Variants in SLC6A2 observed in about 807,000 individuals in gnomAD.
The protein encoded by SLC6A2 is sodium-dependent noradrenaline transporter.
A neutral mutation model predicts 71.7 loss-of-function variants in SLC6A2; 26 were observed. That is an observed-to-expected ratio of 0.36 (90% confidence interval 0.27 to 0.50). The LOEUF is 0.50. Among genes scored for constraint, SLC6A2 ranks in the 20% least tolerant of loss-of-function variants. The pLI is 0.96. For missense variants in SLC6A2, 581 were observed against 803.9 expected (o/e 0.72, Z 3.35); for synonymous variants, 363 against 337.9 (o/e 1.07, Z -0.82).
chr16:55,656,762 A>C lies in SLC6A2; in HGVS notation c.68A>C (p.Gln23Pro). The change falls in exon 2 of 15, where the codon CAG (glutamine) becomes CCG (proline). Residue 23 changes from glutamine to proline, a missense_variant. Gln to Pro is a moderately conservative substitution (Grantham distance 76). Coordinates refer to ENST00000568943, the MANE Select transcript of SLC6A2 (RefSeq NM_001172501.3). The surrounding 1 kb of genome is among the most constrained non-coding windows in gnomAD (Gnocchi z 4.5). ...ENNGADTGPE[Q>P]PLRARKTAEL... ...AACGGGGCGGACACGGGTCCAGAGC[A>C]GCCCCTTCGGGCGCGCAAAACTGCG... 2 of 1,613,228 alleles carry C rather than the reference A, an allele frequency of 1.2e-6. No individual in the cohort carries two copies. Among genetic ancestry groups the C allele is most frequent in the Non-Finnish European group, 8.5e-7 (1 of 1,179,848 alleles).
intron 10 of SLC6A2, 21 bp downstream of exon 10, chr16:55,698,046 G>A: frequency 6.2e-7 from 1 of 1,613,384 alleles, no homozygotes; most frequent in Non-Finnish European, 8.5e-7. Context: ...GCTGGGCTCT[G>A]GGTCACCTGG....
Position 55,699,813 on chromosome 16 carries a change from G to A in SLC6A2, c.1590+159G>A, listed in dbSNP as rs531216863. Among the ~76,000 whole-genome samples the A allele has an allele frequency of 7.2e-5, 11 of 152,204 alleles. No individual in the cohort carries two copies. In the South Asian group the frequency reaches 1.0e-3, roughly 14 times the overall value. On this transcript the variant is annotated intron_variant, in intron 12 of 14. Coordinates refer to ENST00000568943, the MANE Select transcript of SLC6A2 (RefSeq NM_001172501.3). Reference sequence around the variant, plus strand: ...TGGGATGCTTGGCCCTGTGGATAACGTGGTAGACATCCACCTTACTAGGGG... The same window carrying A: ...TGGGATGCTTGGCCCTGTGGATAACATGGTAGACATCCACCTTACTAGGGG...
chr16:55,672,242 T>C, intron 4 of SLC6A2, 67 bp downstream of exon 4: 3 of 1,613,526 alleles, frequency 1.9e-6, no homozygotes, highest in Non-Finnish European at 2.5e-6. Flanking sequence ...AGCCAAACAC[T>C]AAGGAAAGTC....
At chr16:55,700,011 C>T (rs578040059) in intron 12 of SLC6A2, 128 bp from the exon 13 acceptor site, 1 of 779,430 alleles carries the variant, frequency 1.3e-6, no homozygotes, top group African/African-American at 1.7e-5. Context: ...TTCCTTATTT[C>T]CTCCCTTTGC....
intron 9 of SLC6A2, among the ~76,000 whole-genome samples, chr16:55,697,337 G>A (rs866035193): frequency 1.3e-5 from 2 of 152,160 alleles, no homozygotes; most frequent in African/African-American, 4.8e-5. Flanking sequence ...CTTCTTGTCT[G>A]CCCTCACATT....
rs1555506492 is a variant in SLC6A2, at chr16:55,702,739, A to AAC, written c.*393_*394insAC. ...AGAGAGGATGGGCTTTTGATCAGATACCCCTCCCAAAAAAAAAAAAAACTA... is the reference window on the plus strand; with the variant it reads ...AGAGAGGATGGGCTTTTGATCAGATAACCCCCTCCCAAAAAAAAAAAAAACTA... On this transcript the variant is annotated 3_prime_UTR_variant, in exon 15 of 15. Coordinates refer to ENST00000568943, the MANE Select transcript of SLC6A2 (RefSeq NM_001172501.3). 5.8e-6 allele frequency: 5 copies of AAC among 861,210 alleles called. No individual in the cohort carries two copies. In the African/African-American group the frequency reaches 1.7e-4, roughly 30 times the overall value. The allele number at this position is 861,210 out of a possible 1,614,324, so 53.3% of individuals were successfully genotyped here.
chr16:55,686,332 T>C (rs1398256111), intron 5 of SLC6A2, among the ~76,000 whole-genome samples: 1 of 152,202 alleles, frequency 6.6e-6, no homozygotes, highest in East Asian at 1.9e-4. Context: ...TCTATGGTGC[T>C]TGGGCTTCTC....
intron 2 of SLC6A2, among the ~76,000 whole-genome samples, chr16:55,659,561 A>G (rs1184498244): frequency 2.0e-5 from 3 of 152,208 alleles, no homozygotes; most frequent in Non-Finnish European, 4.4e-5. Context: ...AGGAAAAGGC[A>G]CAATGAGGGC....
chr16:55,704,373 T>C lies in SLC6A2; in HGVS notation c.*2027T>C, dbSNP rs948899149. 5.3e-5 allele frequency: 8 copies of C among 152,270 alleles called. No homozygotes were observed. The highest frequency in any genetic ancestry group is 3.9e-4 in the Admixed American group (6 of 15,298). The allele number at this position is 152,270 out of a possible 1,614,324, so 9.4% of individuals were successfully genotyped here. The stretch of plus-strand genomic sequence containing the variant: ...GGGCCTTCAATTCACATCCACTGAC[T>C]CTCAGCCCAGATTATTTTGAATATT... On this transcript the variant is annotated 3_prime_UTR_variant, in exon 15 of 15. Transcript: ENST00000568943.
intron 4 of SLC6A2, among the ~76,000 whole-genome samples, chr16:55,681,999 C>G (rs1479786597): frequency 6.6e-6 from 1 of 152,214 alleles, no homozygotes; most frequent in East Asian, 1.9e-4. Flanking sequence ...CTCCATCTCC[C>G]AGGTTCAAGC....
chr16:55,669,798 A>C, intron 3 of SLC6A2, 102 bp downstream of exon 3: 7 of 1,305,158 alleles, frequency 5.4e-6, no homozygotes, highest in Non-Finnish European at 7.7e-6. Flanking sequence ...ACCTCCTGTC[A>C]TGTGGGATTC....
At chr16:55,677,729 G>A (rs569494685) in intron 4 of SLC6A2, among the ~76,000 whole-genome samples, 250 of 152,022 alleles carry the variant, frequency 1.6e-3, no homozygotes, top group Non-Finnish European at 2.9e-3. Context: ...GCACAGTCTC[G>A]GCTCAATGCA....
chr16:55,693,243 G>A lies in SLC6A2; in HGVS notation c.919-767G>A, dbSNP rs1035021644. Among the ~76,000 whole-genome samples, 11 of 152,208 alleles carry A rather than the reference G, an allele frequency of 7.2e-5. No individual in the cohort carries two copies. The East Asian group carries it at 9.7e-4, about 13-fold the overall frequency. On this transcript the variant is annotated intron_variant, in intron 6 of 14. Coordinates refer to ENST00000568943, the MANE Select transcript of SLC6A2 (RefSeq NM_001172501.3). ...CTCTACTAAAAGTACAAAAATTAGC[G>A]GGGCACGGTGGCACGCACTTGTAAT...
chr16:55,700,375 T>C, intron 13 of SLC6A2, 69 bp downstream of exon 13: 2 of 1,386,050 alleles, frequency 1.4e-6, no homozygotes, highest in Non-Finnish European at 2.0e-6. Flanking sequence ...ACGACTCTCA[T>C]TCCTGTTGGG....
chr16:55,670,629 C>G (rs1266195330), intron 3 of SLC6A2, among the ~76,000 whole-genome samples: 4 of 152,162 alleles, frequency 2.6e-5, no homozygotes, highest in African/African-American at 9.7e-5. Context: ...CAAGTACCTG[C>G]AAAGATGGCC....
intron 4 of SLC6A2, among the ~76,000 whole-genome samples, chr16:55,682,894 G>A (rs1026964006): frequency 7.9e-5 from 12 of 152,288 alleles, no homozygotes; most frequent in African/African-American, 2.9e-4. Flanking sequence ...ATGCTTTATT[G>A]TGAATTTGCG....
intron 3 of SLC6A2, among the ~76,000 whole-genome samples, chr16:55,670,126 A>G (rs995516136): frequency 3.9e-5 from 6 of 152,222 alleles, no homozygotes; most frequent in Admixed American, 3.3e-4. Context: ...TTGCAGCTGA[A>G]ATATAACATG....
At position 55,694,064 on chromosome 16, in the gene SLC6A2, G is replaced by T; in HGVS notation, c.973G>T (p.Val325Leu). The change falls in exon 7 of 15, where the codon GTA (valine) becomes TTA (leucine). Residue 325 changes from valine (V) to leucine (L), a missense_variant. Val to Leu is a conservative substitution (Grantham distance 32). Coordinates refer to ENST00000568943, the MANE Select transcript of SLC6A2 (RefSeq NM_001172501.3). ...IFFSLGAGFG[V>L]LIAFASYNKF... ...TTTTTCCTTGGGGGCTGGATTTGGA[G>T]TATTGATTGCATTTGCCAGTTACAA... 1 of 1,613,770 alleles carries T rather than the reference G, an allele frequency of 6.2e-7. No homozygotes were observed. Among genetic ancestry groups the T allele is most frequent in the South Asian group, 1.1e-5 (1 of 91,072 alleles).
chr16:55,674,849 T>C (rs192710213), intron 4 of SLC6A2, among the ~76,000 whole-genome samples: 4 of 152,334 alleles, frequency 2.6e-5, no homozygotes, highest in Non-Finnish European at 5.9e-5. Flanking sequence ...ATGATTCATC[T>C]TCCTTTGGGT....
Sources: allele counts gnomAD v4.1 joint callset (sites outside exome capture counted in the v4.1 genomes callset), GRCh38; gene constraint gnomAD v4.1.1; non-coding constraint Gnocchi (gnomAD v3.1); transcripts MANE v1.5; gene names NCBI Gene and HGNC (gene_info 2026-07-23, HGNC 2026-07-21).